PARD3B: variants seen among roughly 807,000 people sequenced by gnomAD.
PARD3B encodes the protein partitioning defective 3 homolog B.
In PARD3B, 103 loss-of-function variants were observed where a neutral mutation model predicts 130.2. That is an observed-to-expected ratio of 0.79 (90% confidence interval 0.67 to 0.93). PARD3B has a LOEUF of 0.93. Among genes scored for constraint, PARD3B ranks in the 40% least tolerant of loss-of-function variants. The pLI is 0.00. For missense variants in PARD3B, 1,609 were observed against 1,499.2 expected (o/e 1.07, Z -1.21); for synonymous variants, 583 against 553.2 (o/e 1.05, Z -0.76).
intron 2 of PARD3B, among the ~76,000 whole-genome samples, chr2:204,960,019 A>T (rs1049713996): frequency 6.6e-6 from 1 of 152,148 alleles, no homozygotes; most frequent in African/African-American, 2.4e-5. Flanking sequence ...TAATCATGCA[A>T]TCTTTTCATA....
At chr2:205,596,449 G>C (rs549032264) in intron 22 of PARD3B, among the ~76,000 whole-genome samples, 6 of 152,156 alleles carry the variant, frequency 3.9e-5, no homozygotes, top group Admixed American at 1.3e-4. Flanking sequence ...GGAGGGCTGT[G>C]GGGGGCCAAC....
chr2:205,023,497 T>C (rs1696781373), intron 3 of PARD3B, among the ~76,000 whole-genome samples: 1 of 146,650 alleles, frequency 6.8e-6, no homozygotes, highest in Admixed American at 7.0e-5. Flanking sequence ...CTTTTTTAAA[T>C]GTATGTATTT....
chr2:204,762,032 G>T (rs1427349259), intron 2 of PARD3B, among the ~76,000 whole-genome samples: 2 of 150,510 alleles, frequency 1.3e-5, no homozygotes, highest in African/African-American at 4.9e-5. Context: ...TTGCCATTGA[G>T]CCCACAATTT....
intron 18 of PARD3B, chr2:205,348,050 C>T (rs923893769): frequency 1.3e-5 from 2 of 152,170 alleles, no homozygotes; most frequent in Non-Finnish European, 2.9e-5. Context: ...GTTCTAGGAG[C>T]TCAACACTGG....
chr2:205,082,778 T>C (rs1701496883), intron 4 of PARD3B, among the ~76,000 whole-genome samples: 1 of 152,192 alleles, frequency 6.6e-6, no homozygotes, highest in South Asian at 2.1e-4. Flanking sequence ...TTAGAGGAGA[T>C]TAAATATCTT....
Position 205,550,963 on chromosome 2 carries a change from A to G in PARD3B, c.3181-2361A>G, listed in dbSNP as rs1344491677. On this transcript the variant is annotated intron_variant, in intron 21 of 22. Transcript: ENST00000406610. This position sits in a 1 kb window ranked among gnomAD's most constrained non-coding sequence, Gnocchi z 4.5. ...TGTGTATATATATATGTGTATATAT[A>G]TATATATATATATACACACACACAC... is the stretch of plus-strand genomic sequence containing the variant. Among the ~76,000 whole-genome samples the G allele has an allele frequency of 5.4e-4, 58 of 106,796 alleles. 2 individuals carry two copies. The highest frequency in any genetic ancestry group is 1.7e-3 in the African/African-American group (51 of 30,808). 70.1% of individuals were successfully genotyped at this position (106,796 alleles called of 152,430 possible).
intron 21 of PARD3B, among the ~76,000 whole-genome samples, chr2:205,509,209 T>C (rs75871588): frequency 0.039 from 5,873 of 152,150 alleles, 198 homozygotes; most frequent in South Asian, 0.14. Flanking sequence ...AACTAGGAAT[T>C]GATTTTTCCC....
intron 2 of PARD3B, among the ~76,000 whole-genome samples, chr2:204,934,456 G>A (rs1230515086): frequency 6.6e-6 from 1 of 152,110 alleles, no homozygotes; most frequent in African/African-American, 2.4e-5. Flanking sequence ...TCACTGGTCT[G>A]GTTTTCAGAT....
At chr2:204,567,438 A>G (rs995322120) in intron 1 of PARD3B, among the ~76,000 whole-genome samples, 1 of 152,172 alleles carries the variant, frequency 6.6e-6, no homozygotes, top group South Asian at 2.1e-4. Context: ...ACTACTCTAG[A>G]TACCTCAGAA....
At chr2:205,337,783 G>A (rs1263286823) in intron 18 of PARD3B, among the ~76,000 whole-genome samples, 1 of 152,124 alleles carries the variant, frequency 6.6e-6, no homozygotes, top group Admixed American at 6.6e-5. Flanking sequence ...TCAAAAAATA[G>A]CCAGTTTATG....
At position 205,281,944 on chromosome 2, in the gene PARD3B, A is replaced by G. The variant is rs549884265; in HGVS notation, c.2186-18586A>G. Among the ~76,000 whole-genome samples the G allele has an allele frequency of 6.6e-6, 1 of 152,322 alleles. No homozygotes were observed. The highest frequency in any genetic ancestry group is 1.5e-5 in the Non-Finnish European group (1 of 68,026). ...TTCCTGGTTTTAACTTACACACATC[A>G]GTAGCTTTTGTTCACTTTGTTGAAA... is the stretch of plus-strand genomic sequence containing the variant. On this transcript the variant is annotated intron_variant, in intron 16 of 22. Transcript: ENST00000406610. The surrounding 1 kb of genome is among the most constrained non-coding windows in gnomAD (Gnocchi z 4.2).
intron 1 of PARD3B, among the ~76,000 whole-genome samples, chr2:204,643,956 A>T (rs948381339): frequency 6.6e-6 from 1 of 152,180 alleles, no homozygotes; most frequent in African/African-American, 2.4e-5. Context: ...CCAGTATTTC[A>T]TGTCTGTACA....
intron 1 of PARD3B, among the ~76,000 whole-genome samples, chr2:204,553,829 G>C (rs980375203): frequency 2.6e-5 from 4 of 151,030 alleles, no homozygotes; most frequent in Non-Finnish European, 5.9e-5. Context: ...CCCAAACATT[G>C]TATGTTCTCA....
At chr2:204,568,711 A>T (rs1838995) in intron 1 of PARD3B, among the ~76,000 whole-genome samples, 133,043 of 152,124 alleles carry the variant, frequency 0.87, 58,419 homozygotes, top group Middle Eastern at 0.95. Flanking sequence ...TCCCAGAACT[A>T]TGGGAGGCCC....
intron 2 of PARD3B, among the ~76,000 whole-genome samples, chr2:204,877,052 A>G (rs1290869576): frequency 6.6e-6 from 1 of 152,162 alleles, no homozygotes; most frequent in Non-Finnish European, 1.5e-5. Context: ...ACCATGGAAT[A>G]CTATGCAGCC....
chr2:204,743,678 T>G (rs933523620), intron 2 of PARD3B, among the ~76,000 whole-genome samples: 1 of 152,202 alleles, frequency 6.6e-6, no homozygotes, highest in African/African-American at 2.4e-5. Context: ...CTTTCAAGTT[T>G]TTTTTTCCAC....
In PARD3B at chr2:205,615,616, C is replaced by T; in HGVS notation, c.3421C>T (p.Gln1141Ter). The change falls in exon 23 of 23, where the codon CAG becomes TAG. Residue 1141 changes from glutamine (Q) to a stop codon, truncating the protein, a stop_gained. Transcript: ENST00000406610. LOFTEE classifies it high-confidence loss of function. ...CAGGGTGGCAGATCTCCGGTATCCT[C>T]AGCACTACCCACCCCCGCCAGCTCC... ...ELRVADLRYPQHYPPPPAPQH... is the reference protein window; with the variant it reads ...ELRVADLRYP The T allele has an allele frequency of 6.2e-7, 1 of 1,614,074 alleles. No homozygotes were observed. Among genetic ancestry groups the T allele is most frequent in the Non-Finnish European group, 8.5e-7 (1 of 1,179,964 alleles).
intron 2 of PARD3B, among the ~76,000 whole-genome samples, chr2:204,777,682 T>C (rs1405390067): frequency 1.3e-5 from 2 of 152,080 alleles, no homozygotes; most frequent in Non-Finnish European, 2.9e-5. Context: ...AGTCGGAGGA[T>C]CACTTGAGCC....
intron 2 of PARD3B, among the ~76,000 whole-genome samples, chr2:204,826,386 G>A (rs2043573359): frequency 6.6e-6 from 1 of 152,152 alleles, no homozygotes; most frequent in Non-Finnish European, 1.5e-5. Context: ...TAGAGACAGG[G>A]ATTCTAAGCT....
Sources: gnomAD v4.1 joint callset for allele counts (sites outside exome capture counted in the v4.1 genomes callset) on GRCh38, gnomAD v4.1.1 for gene constraint, Gnocchi (gnomAD v3.1) non-coding constraint, MANE v1.5 for transcripts, NCBI Gene and HGNC (gene_info 2026-07-23, HGNC 2026-07-21) for gene names.